The following NEGR1 variants were observed in gnomAD, a reference collection of about 807,000 sequenced individuals.
The protein encoded by NEGR1 is neuronal growth regulator 1.
Under a neutral mutation model 40.9 loss-of-function variants are expected in NEGR1, and 10 were observed. The ratio of observed to expected loss-of-function variants is 0.24; its 90% CI spans 0.15 to 0.42. The LOEUF is 0.42. NEGR1 is among the 10% of genes least tolerant of loss of function. NEGR1 has a pLI of 1.00. For synonymous variants in NEGR1, 185 were observed against 166.8 expected (o/e 1.11, Z -0.84); for missense variants, 352 against 438.9 (o/e 0.80, Z 1.77).
chr1:71,583,505 C>A (rs1649204628), intron 6 of NEGR1, among the ~76,000 whole-genome samples: 1 of 152,184 alleles, frequency 6.6e-6, no homozygotes, highest in Admixed American at 6.5e-5. Context: ...CCAGCAGAGT[C>A]AAGCCTGCAG....
chr1:71,464,101 G>T (rs755310671), intron 6 of NEGR1, among the ~76,000 whole-genome samples: 9 of 151,996 alleles, frequency 5.9e-5, no homozygotes, highest in Admixed American at 3.3e-4. Flanking sequence ...TAGTTAATAA[G>T]ATTAAAATCA....
At chr1:71,730,013 G>A (rs781361779) in intron 3 of NEGR1, among the ~76,000 whole-genome samples, 2 of 151,926 alleles carry the variant, frequency 1.3e-5, no homozygotes, top group Non-Finnish European at 2.9e-5. Context: ...ATTTCAAAGT[G>A]GAAAAATGAC....
intron 1 of NEGR1, among the ~76,000 whole-genome samples, chr1:72,144,266 T>C (rs1460606794): frequency 6.6e-6 from 1 of 151,606 alleles, no homozygotes; most frequent in East Asian, 1.9e-4. Flanking sequence ...AGATAGTTAT[T>C]GATTAGCCAG....
intron 2 of NEGR1, among the ~76,000 whole-genome samples, chr1:71,898,966 T>A (rs1272688632): frequency 7.6e-5 from 4 of 52,974 alleles, no homozygotes; most frequent in African/African-American, 2.9e-4. Flanking sequence ...ATATATAGCA[T>A]ATATATATAT....
At chr1:72,214,585 C>A (rs1010199452) in intron 1 of NEGR1, among the ~76,000 whole-genome samples, 3 of 151,886 alleles carry the variant, frequency 2.0e-5, no homozygotes, top group Admixed American at 2.0e-4. Context: ...GACAGAGAGC[C>A]AAATCATGAG....
At chr1:71,803,140 G>A (rs565806499) in intron 2 of NEGR1, among the ~76,000 whole-genome samples, 50 of 152,190 alleles carry the variant, frequency 3.3e-4, no homozygotes, top group East Asian at 1.5e-3. Flanking sequence ...GGTAACTAAC[G>A]TTAAATGAGG....
chr1:71,593,585 G>A (rs1649577769), intron 5 of NEGR1, among the ~76,000 whole-genome samples: 1 of 152,130 alleles, frequency 6.6e-6, no homozygotes, highest in Non-Finnish European at 1.5e-5. Flanking sequence ...TTAGGAATGT[G>A]CCATGGAAAG....
At chr1:71,962,633 A>G (rs1180013353) in intron 1 of NEGR1, among the ~76,000 whole-genome samples, 1 of 152,052 alleles carries the variant, frequency 6.6e-6, no homozygotes, top group African/African-American at 2.4e-5. Flanking sequence ...TTAGATAATA[A>G]TATGTTAAAG....
chr1:72,192,889 A>G (rs1202827300), intron 1 of NEGR1, among the ~76,000 whole-genome samples: 3 of 151,804 alleles, frequency 2.0e-5, no homozygotes, highest in African/African-American at 7.2e-5. Flanking sequence ...CTTATAAGCA[A>G]TTAGGTTATT....
At chr1:72,232,864 C>T (rs1400166378) in intron 1 of NEGR1, among the ~76,000 whole-genome samples, 3 of 151,914 alleles carry the variant, frequency 2.0e-5, no homozygotes, top group Non-Finnish European at 4.4e-5. Flanking sequence ...CTTTTTTGTC[C>T]TCTAGAGAAA....
chr1:71,493,495 T>C (rs563744263), intron 6 of NEGR1, among the ~76,000 whole-genome samples: 2 of 152,292 alleles, frequency 1.3e-5, no homozygotes, highest in South Asian at 4.1e-4. Flanking sequence ...TTCCCTGAAA[T>C]GTAAAATCTC....
chr1:72,070,828 A>G (rs933986346), intron 1 of NEGR1, among the ~76,000 whole-genome samples: 4 of 152,122 alleles, frequency 2.6e-5, no homozygotes, highest in Admixed American at 2.0e-4. Context: ...GGGAGACAGC[A>G]TATTAGGAAA....
intron 6 of NEGR1, among the ~76,000 whole-genome samples, chr1:71,458,596 C>G (rs1176576962): frequency 6.6e-6 from 1 of 152,134 alleles, no homozygotes. Context: ...AATCCATAAG[C>G]ATCTTGGAGG....
intron 5 of NEGR1, among the ~76,000 whole-genome samples, chr1:71,594,606 T>C (rs1649628065): frequency 6.6e-6 from 1 of 152,224 alleles, no homozygotes; most frequent in Non-Finnish European, 1.5e-5. Flanking sequence ...TTTAATGATC[T>C]CCAACTCTGA....
At chr1:71,611,002 C>T in intron 5 of NEGR1, 24 bp downstream of exon 5, 4 of 1,611,792 alleles carry the variant, frequency 2.5e-6, no homozygotes, top group Non-Finnish European at 3.4e-6. Context: ...GCTTAGAACA[C>T]AGTAATAATC....
At chr1:71,847,713 G>T (rs1659467398) in intron 2 of NEGR1, among the ~76,000 whole-genome samples, 1 of 151,998 alleles carries the variant, frequency 6.6e-6, no homozygotes, top group Non-Finnish European at 1.5e-5. Flanking sequence ...TTGAAATTAG[G>T]CCACTTAATA....
intron 2 of NEGR1, among the ~76,000 whole-genome samples, chr1:71,922,135 T>C (rs1645726228): frequency 6.6e-6 from 1 of 152,122 alleles, no homozygotes; most frequent in Non-Finnish European, 1.5e-5. Context: ...GACATGGGGT[T>C]TCCCAGTGTG....
chr1:72,214,236 A>G (rs1182762345), intron 1 of NEGR1, among the ~76,000 whole-genome samples: 1 of 152,108 alleles, frequency 6.6e-6, no homozygotes, highest in African/African-American at 2.4e-5. Flanking sequence ...AGAGCTATTT[A>G]TGACACACAC....
At chr1:71,657,057 G>A (rs376659930) in intron 4 of NEGR1, among the ~76,000 whole-genome samples, 5 of 152,144 alleles carry the variant, frequency 3.3e-5, no homozygotes, top group East Asian at 3.8e-4. Context: ...TATTGAGCAA[G>A]GAACCCCATG....
Sources: allele counts gnomAD v4.1 joint callset (sites outside exome capture counted in the v4.1 genomes callset), GRCh38; gene constraint gnomAD v4.1.1; transcripts MANE v1.5; gene names NCBI Gene and HGNC (gene_info 2026-07-23, HGNC 2026-07-21).